The following SLC1A4 variants were observed in gnomAD, a reference collection of about 807,000 sequenced individuals.
SLC1A4 encodes the protein solute carrier family 1 member 4.
In SLC1A4, 19 loss-of-function variants were observed where a neutral mutation model predicts 37.7. The ratio of observed to expected loss-of-function variants is 0.50; its 90% CI spans 0.35 to 0.74. The LOEUF (loss-of-function observed/expected upper bound fraction) is 0.74, where lower values mean the gene tolerates loss of function less well. Among genes scored for constraint, SLC1A4 ranks in the 30% least tolerant of loss-of-function variants. The pLI is 0.01. For missense variants in SLC1A4, 570 were observed against 712.9 expected (o/e 0.80, Z 2.28); for synonymous variants, 299 against 309.8 (o/e 0.97, Z 0.37).
At chr2:65,004,577 T>A (rs2103652931) in intron 3 of SLC1A4, among the ~76,000 whole-genome samples, 1 of 152,168 alleles carries the variant, frequency 6.6e-6, no homozygotes, top group Admixed American at 6.6e-5. Flanking sequence ...TGTGAGCCTG[T>A]GCCTGGCCCC....
intron 2 of SLC1A4, among the ~76,000 whole-genome samples, chr2:65,002,280 A>AAAAT (rs139658708): frequency 3.0e-3 from 435 of 144,374 alleles, no homozygotes; most frequent in African/African-American, 5.9e-3. Flanking sequence ...ACTCTATCTC[A>AAAAT]AAATAAATAA....
intron 1 of SLC1A4, among the ~76,000 whole-genome samples, chr2:64,994,445 G>T (rs1207890213): frequency 1.3e-5 from 2 of 152,248 alleles, no homozygotes; most frequent in Non-Finnish European, 2.9e-5. Context: ...CCAGAAGAAT[G>T]GCCGAGGGCC....
chr2:65,017,706 TA>T (rs1674210399), intron 5 of SLC1A4, among the ~76,000 whole-genome samples: 1 of 151,728 alleles, frequency 6.6e-6, no homozygotes. Context: ...GTTTACCATT[TA>T]CTTTTGGGAG....
intron 1 of SLC1A4, among the ~76,000 whole-genome samples, chr2:64,995,441 TCTTAA>T (rs1038557859): frequency 2.0e-5 from 3 of 152,188 alleles, no homozygotes; most frequent in African/African-American, 2.4e-5. Flanking sequence ...TGAATGCTGC[TCTTAA>T]CTTAATTTCC....
intron 4 of SLC1A4, among the ~76,000 whole-genome samples, chr2:65,015,515 A>G (rs765733050): frequency 6.6e-6 from 1 of 152,208 alleles, no homozygotes; most frequent in Non-Finnish European, 1.5e-5. Flanking sequence ...ATGGTACTTA[A>G]AGAGGATTTT....
chr2:64,994,924 A>G (rs527346326), intron 1 of SLC1A4: 1 of 152,284 alleles, frequency 6.6e-6, no homozygotes, highest in Admixed American at 6.5e-5. Context: ...GTTGTGAACA[A>G]TTTCTTTACA....
chr2:64,991,898 GC>G, intron 1 of SLC1A4, among the ~76,000 whole-genome samples: 1 of 152,240 alleles, frequency 6.6e-6, no homozygotes, highest in East Asian at 1.9e-4. Flanking sequence ...ACCCTGCCTG[GC>G]CCCAGCTAAC....
At chr2:65,001,534 G>C in intron 2 of SLC1A4, 44 bp downstream of exon 2, 2 of 1,555,378 alleles carry the variant, frequency 1.3e-6, no homozygotes, top group South Asian at 2.2e-5. Flanking sequence ...TTTGATGGAA[G>C]AAATGTACCA....
At chr2:65,015,415 A>C (rs1342567612) in intron 4 of SLC1A4, among the ~76,000 whole-genome samples, 1 of 152,054 alleles carries the variant, frequency 6.6e-6, no homozygotes, top group East Asian at 1.9e-4. Context: ...AGGGTGAAAA[A>C]GAAAAAAACA....
rs2103679814 is a variant in SLC1A4, at chr2:65,018,355, C to T, written c.1229+90C>T. 6.2e-6 allele frequency: 9 copies of T among 1,446,164 alleles called. No individual in the cohort carries two copies. Among genetic ancestry groups the T allele is most frequent in the African/African-American group, 2.8e-5 (2 of 71,104 alleles). 89.6% of individuals were successfully genotyped at this position (1,446,164 alleles called of 1,614,324 possible). ...CCAATCTCACCACAACTTGGTGTCTCGCTCATAAAATGAGGACAGTGGGGA... is the reference window on the plus strand; with the variant it reads ...CCAATCTCACCACAACTTGGTGTCTTGCTCATAAAATGAGGACAGTGGGGA... On this transcript the variant is annotated intron_variant, in intron 6 of 7. Coordinates refer to ENST00000234256, the MANE Select transcript of SLC1A4 (RefSeq NM_003038.5). This position sits in a 1 kb window ranked among gnomAD's most constrained non-coding sequence, Gnocchi z 4.3.
Position 65,021,102 on chromosome 2 carries a change from G to A in SLC1A4, c.1555G>A (p.Val519Met), listed in dbSNP as rs769833807. Reference protein sequence around the residue: ...LVTHQNPAGPVASAPELESKE... With the variant: ...LVTHQNPAGPMASAPELESKE... ...GACACACCAGAACCCCGCTGGCCCCGTGGCCAGTGCCCCAGAACTGGAATC... is the reference window on the plus strand; with the variant it reads ...GACACACCAGAACCCCGCTGGCCCCATGGCCAGTGCCCCAGAACTGGAATC... Residue 519 changes from valine to methionine, a missense_variant, in exon 8 of 8, where the codon GTG (valine) becomes ATG (methionine). Val to Met is a conservative substitution (Grantham distance 21). Coordinates refer to ENST00000234256, the MANE Select transcript of SLC1A4 (RefSeq NM_003038.5). 2.3e-5 allele frequency: 37 copies of A among 1,614,124 alleles called. No individual in the cohort carries two copies. Among genetic ancestry groups the A allele is most frequent in the African/African-American group, 8.0e-5 (6 of 74,950 alleles).
chr2:64,993,475 G>A (rs562296164), intron 1 of SLC1A4, among the ~76,000 whole-genome samples: 1 of 152,324 alleles, frequency 6.6e-6, no homozygotes, highest in African/African-American at 2.4e-5. Flanking sequence ...GAAGGCTGGA[G>A]CTAGAAGCAA....
chr2:65,023,123 C>A lies in SLC1A4; in HGVS notation c.*1977C>A, dbSNP rs1674492022. ...AAGCCAAAAGGGACCAGGAACCGTGCAAAGGAAACTGGAAACTTTTCCCCG... is the reference window on the plus strand; with the variant it reads ...AAGCCAAAAGGGACCAGGAACCGTGAAAAGGAAACTGGAAACTTTTCCCCG... On this transcript the variant is annotated 3_prime_UTR_variant, in exon 8 of 8. Transcript: ENST00000234256. 1 of 152,200 alleles carries A rather than the reference C, an allele frequency of 6.6e-6. No individual in the cohort carries two copies. The highest frequency in any genetic ancestry group is 1.5e-5 in the Non-Finnish European group (1 of 68,052). The allele number at this position is 152,200 out of a possible 1,614,324, so 9.4% of individuals were successfully genotyped here.
At position 65,018,357 on chromosome 2, in the gene SLC1A4, C is replaced by T. The variant is rs1028876195; in HGVS notation, c.1229+92C>T. On this transcript the variant is annotated intron_variant, in intron 6 of 7. Transcript: ENST00000234256. This position sits in a 1 kb window ranked among gnomAD's most constrained non-coding sequence, Gnocchi z 4.3. Reference sequence around the variant, plus strand: ...AATCTCACCACAACTTGGTGTCTCGCTCATAAAATGAGGACAGTGGGGATT... The same window carrying T: ...AATCTCACCACAACTTGGTGTCTCGTTCATAAAATGAGGACAGTGGGGATT... 1.4e-6 allele frequency: 2 copies of T among 1,439,198 alleles called. No individual in the cohort carries two copies. 89.2% of individuals were successfully genotyped at this position (1,439,198 alleles called of 1,614,324 possible). A position where few individuals can be genotyped will look rare whatever the true frequency, so the allele number is the denominator to read the frequency against.
Position 65,018,571 on chromosome 2 carries a change from G to A in SLC1A4, c.1256G>A (p.Gly419Glu), listed in dbSNP as rs1473330816. 1.2e-6 allele frequency: 2 copies of A among 1,614,232 alleles called. No individual in the cohort carries two copies. The highest frequency in any genetic ancestry group is 2.7e-5 in the African/African-American group (2 of 75,064). Residue 419 changes from glycine to glutamate, a missense_variant, in exon 7 of 8, where the codon GGA (glycine) becomes GAA (glutamate). Gly to Glu is a moderately conservative substitution (Grantham distance 98, BLOSUM62 -2). Coordinates refer to ENST00000234256, the MANE Select transcript of SLC1A4 (RefSeq NM_003038.5). This position sits in a 1 kb window ranked among gnomAD's most constrained non-coding sequence, Gnocchi z 4.3. Reference protein sequence around the residue: ...ILVTATASSVGAAGVPAGGVL... With the variant: ...ILVTATASSVEAAGVPAGGVL... ...GTGACTGCCACAGCGTCCAGTGTTG[G>A]AGCAGCAGGCGTGCCAGCTGGAGGG...
At chr2:65,012,275 G>C (rs1246908822) in intron 4 of SLC1A4, among the ~76,000 whole-genome samples, 1 of 151,632 alleles carries the variant, frequency 6.6e-6, no homozygotes, top group Non-Finnish European at 1.5e-5. Context: ...ATTTTTAGTA[G>C]AGACAGGGTT....
rs538309778 is a variant in SLC1A4 at position 65,021,205 on chromosome 2, G to T, written c.*59G>T. 1.4e-5 allele frequency: 19 copies of T among 1,395,314 alleles called. No individual in the cohort carries two copies. Among genetic ancestry groups the T allele is most frequent in the South Asian group, 2.4e-5 (2 of 82,266 alleles). The allele number at this position is 1,395,314 out of a possible 1,614,324, so 86.4% of individuals were successfully genotyped here. A position where few individuals can be genotyped will look rare whatever the true frequency, so the allele number is the denominator to read the frequency against. On this transcript the variant is annotated 3_prime_UTR_variant, in exon 8 of 8. Transcript: ENST00000234256. ...GATGTCCCACCCTGTTCACCCAGCC[G>T]CCAGTCATGGACACAGGGCACTGCC... is the stretch of plus-strand genomic sequence containing the variant.
chr2:65,003,707 A>C lies in SLC1A4; in HGVS notation c.571-246A>C, dbSNP rs368257963. On this transcript the variant is annotated intron_variant, in intron 2 of 7. Transcript: ENST00000234256. ...AACCATTGCCCAAAGAACATAAGGA[A>C]ATTCTCCCTGTTTCCTTGGGACACT... Among the ~76,000 whole-genome samples, 261 of 152,302 alleles carry C rather than the reference A, an allele frequency of 1.7e-3. 1 individual carries two copies. The Middle Eastern group carries it at 0.02, about 12-fold the overall frequency.
chr2:65,009,674 T>C (rs1281470978), intron 3 of SLC1A4, among the ~76,000 whole-genome samples: 1 of 152,262 alleles, frequency 6.6e-6, no homozygotes, highest in Non-Finnish European at 1.5e-5. Context: ...TTTCATAATA[T>C]GTGTTGGTGG....
Sources: gnomAD v4.1 joint callset for allele counts (sites outside exome capture counted in the v4.1 genomes callset) on GRCh38, gnomAD v4.1.1 for gene constraint, Gnocchi (gnomAD v3.1) non-coding constraint, MANE v1.5 for transcripts, NCBI Gene and HGNC (gene_info 2026-07-23, HGNC 2026-07-21) for gene names.